Variants in GRID2 observed in about 807,000 individuals in gnomAD.
GRID2 encodes glutamate ionotropic receptor delta type subunit 2.
In GRID2, 33 loss-of-function variants were observed where a neutral mutation model predicts 114.8. The ratio of observed to expected loss-of-function variants is 0.29; its 90% CI spans 0.22 to 0.38. The LOEUF is 0.38. Among genes scored for constraint, GRID2 ranks in the 10% least tolerant of loss-of-function variants. The probability of loss-of-function intolerance (pLI) is 1.00; values close to 1 mark genes in which losing one functional copy is unlikely to be tolerated. For synonymous variants in GRID2, 505 were observed against 449.9 expected (o/e 1.12, Z -1.55); for missense variants, 1,184 against 1,257.7 (o/e 0.94, Z 0.89).
chr4:92,800,972 A>G (rs1004207328), intron 2 of GRID2, among the ~76,000 whole-genome samples: 1 of 152,024 alleles, frequency 6.6e-6, no homozygotes, highest in Non-Finnish European at 1.5e-5. Context: ...CCGGAAACAT[A>G]ATGATAAACA....
At chr4:92,493,929 A>G (rs1367474966) in intron 1 of GRID2, among the ~76,000 whole-genome samples, 3 of 152,194 alleles carry the variant, frequency 2.0e-5, no homozygotes, top group Admixed American at 6.5e-5. Flanking sequence ...TTTTTAGTTT[A>G]CGTATAAGAC....
At chr4:92,346,869 T>G (rs927093605) in intron 1 of GRID2, among the ~76,000 whole-genome samples, 4 of 152,232 alleles carry the variant, frequency 2.6e-5, no homozygotes, top group African/African-American at 9.6e-5. Flanking sequence ...ATTTTACTTC[T>G]AATTATTTTA....
chr4:92,720,732 T>C (rs1419445016), intron 2 of GRID2, among the ~76,000 whole-genome samples: 3 of 152,050 alleles, frequency 2.0e-5, no homozygotes, highest in Non-Finnish European at 2.9e-5. Flanking sequence ...TATGTACTAC[T>C]TTTTTCAGAA....
chr4:93,435,337 T>C (rs1462321168), intron 10 of GRID2, among the ~76,000 whole-genome samples: 1 of 152,208 alleles, frequency 6.6e-6, no homozygotes, highest in Non-Finnish European at 1.5e-5. Context: ...TATAGCCTAC[T>C]AAATTTGGAC....
intron 2 of GRID2, among the ~76,000 whole-genome samples, chr4:92,612,705 T>G (rs531616743): frequency 6.6e-6 from 1 of 151,634 alleles, no homozygotes; most frequent in African/African-American, 2.4e-5. Context: ...CATTTTGATA[T>G]TGTGAACGGA....
At chr4:92,943,127 A>G (rs1348555896) in intron 2 of GRID2, among the ~76,000 whole-genome samples, 3 of 152,072 alleles carry the variant, frequency 2.0e-5, no homozygotes, top group African/African-American at 7.2e-5. Flanking sequence ...GCCTTGCTAG[A>G]TTGAGGAAGT....
At chr4:93,302,636 A>T (rs1409184964) in intron 8 of GRID2, 1 of 455,276 alleles carries the variant, frequency 2.2e-6, no homozygotes, top group Non-Finnish European at 4.4e-6. Context: ...TCTTCTGTAC[A>T]CTTGCAAAGG....
rs148775297 is a variant in GRID2 at position 93,436,065 on chromosome 4, G to A, written c.1545+13097G>A. 3.3e-3 allele frequency among the ~76,000 whole-genome samples: 499 copies of A among 152,132 alleles called. 3 individuals are homozygous for A. Among genetic ancestry groups the A allele is most frequent in the African/African-American group, 0.011 (474 of 41,494 alleles). On this transcript the variant is annotated intron_variant, in intron 10 of 15. Transcript: ENST00000282020. ...CATGTATTCTAAGCTAAATTAATTA[G>A]GTGTCTTTGGTTGCAAATGACAATC...
intron 14 of GRID2, among the ~76,000 whole-genome samples, chr4:93,646,259 A>C (rs1722101541): frequency 6.6e-6 from 1 of 151,916 alleles, no homozygotes; most frequent in South Asian, 2.1e-4. Context: ...GTAGATCAGC[A>C]TGGGGGTGGG....
chr4:92,627,512 C>T (rs1260358222), intron 2 of GRID2, among the ~76,000 whole-genome samples: 1 of 151,946 alleles, frequency 6.6e-6, no homozygotes, highest in African/African-American at 2.4e-5. Flanking sequence ...GCTGAGTGTA[C>T]ATTCTCTATA....
At position 92,769,337 on chromosome 4, in the gene GRID2, T is replaced by A. The variant is rs1321937870; in HGVS notation, c.244+179051T>A. Among the ~76,000 whole-genome samples the A allele has an allele frequency of 2.6e-5, 4 of 152,182 alleles. No homozygotes were observed. In the East Asian group the frequency reaches 7.7e-4, roughly 29 times the overall value. ...CCCTGTAGCTTTGCAGGGCACAGCC[T>A]CCCTCTCACCTGCTTTCATGGGCCG... On this transcript the variant is annotated intron_variant, in intron 2 of 15. Transcript: ENST00000282020.
intron 1 of GRID2, among the ~76,000 whole-genome samples, chr4:92,511,390 AC>A (rs1323721424): frequency 6.6e-6 from 1 of 151,828 alleles, no homozygotes; most frequent in East Asian, 1.9e-4. Flanking sequence ...CACCAGGTCC[AC>A]CGCCAACACT....
chr4:92,713,533 C>T (rs1049687113), intron 2 of GRID2, among the ~76,000 whole-genome samples: 1 of 103,308 alleles, frequency 9.7e-6, no homozygotes, highest in Non-Finnish European at 1.8e-5. Context: ...AAAATTAGGT[C>T]TTGGATAGTG....
intron 12 of GRID2, among the ~76,000 whole-genome samples, chr4:93,499,016 A>AT (rs1727841941): frequency 6.6e-6 from 1 of 151,784 alleles, no homozygotes; most frequent in South Asian, 2.1e-4. Flanking sequence ...AAATGATTTC[A>AT]TTTTTTATTG....
Position 93,264,752 on chromosome 4 carries a change from T to C in GRID2, c.1245+26262T>C, listed in dbSNP as rs1016329581. Among the ~76,000 whole-genome samples the C allele has an allele frequency of 6.4e-5, 5 of 78,544 alleles. No individual in the cohort carries two copies. The South Asian group carries it at 1.8e-3, about 28-fold the overall frequency. 51.5% of individuals were successfully genotyped at this position (78,544 alleles called of 152,430 possible). On this transcript the variant is annotated intron_variant, in intron 8 of 15. Transcript: ENST00000282020. Reference sequence around the variant, plus strand: ...ATTTGAATTATATATATATATCATTTGAATGATATATATATATATATAAAT... The same window carrying C: ...ATTTGAATTATATATATATATCATTCGAATGATATATATATATATATAAAT...
intron 15 of GRID2, 134 bp downstream of exon 15, chr4:93,769,584 T>G (rs1733953395): frequency 1.3e-6 from 1 of 762,082 alleles, no homozygotes; most frequent in African/African-American, 1.8e-5. Context: ...AAAATAAAGT[T>G]GTGAAATATA....
At chr4:92,346,620 C>T (rs1199014318) in intron 1 of GRID2, among the ~76,000 whole-genome samples, 2 of 152,070 alleles carry the variant, frequency 1.3e-5, no homozygotes, top group African/African-American at 2.4e-5. Context: ...CTGCCTTGGC[C>T]TCTGGGATTA....
intron 10 of GRID2, among the ~76,000 whole-genome samples, chr4:93,430,972 C>G (rs991882858): frequency 6.6e-6 from 1 of 152,070 alleles, no homozygotes; most frequent in South Asian, 2.1e-4. Context: ...TTTTGCAGCT[C>G]TCCAAGCAAA....
At position 93,401,001 on chromosome 4, in the gene GRID2, T is replaced by A. The variant is rs537526198; in HGVS notation, c.1347+5293T>A. On this transcript the variant is annotated intron_variant, in intron 9 of 15. Transcript: ENST00000282020. ...ACAGGTGCATGCCACCGTGCCTGAC[T>A]AATTTATTTTTCGTAGAGACAGGGG... 2.0e-4 allele frequency among the ~76,000 whole-genome samples: 31 copies of A among 152,122 alleles called. No individual in the cohort carries two copies. In the South Asian group the frequency reaches 2.3e-3, roughly 11 times the overall value.
Sources: gnomAD v4.1 joint callset for allele counts (sites outside exome capture counted in the v4.1 genomes callset) on GRCh38, gnomAD v4.1.1 for gene constraint, MANE v1.5 for transcripts, NCBI Gene and HGNC (gene_info 2026-07-23, HGNC 2026-07-21) for gene names.